The following PRR16 variants were observed in gnomAD, a reference collection of about 807,000 sequenced individuals.
PRR16 encodes protein Largen.
In PRR16, 6 loss-of-function variants were observed where a neutral mutation model predicts 18.2. The observed-to-expected ratio is 0.33, with a 90% CI of 0.18 to 0.65. PRR16 has a LOEUF of 0.65. Among genes scored for constraint, PRR16 ranks in the 30% least tolerant of loss-of-function variants. The pLI is 0.74. For missense variants in PRR16, 412 were observed against 376.6 expected (o/e 1.09, Z -0.78); for synonymous variants, 151 against 147.8 (o/e 1.02, Z -0.16).
chr5:120,669,291 T>A (rs1346631744), intron 1 of PRR16, among the ~76,000 whole-genome samples: 1 of 152,066 alleles, frequency 6.6e-6, no homozygotes, highest in African/African-American at 2.4e-5. Flanking sequence ...AAAAGGGCAA[T>A]ATGAGGCCCT....
chr5:120,791,692 A>G, the PRR16 span, among the ~76,000 whole-genome samples: 1 of 151,886 alleles, frequency 6.6e-6, no homozygotes, highest in Admixed American at 6.6e-5. Context: ...GTAGGTAATC[A>G]TACTGGAGCA....
intron 1 of PRR16, among the ~76,000 whole-genome samples, chr5:120,510,766 AAAT>A (rs1750801068): frequency 6.6e-6 from 1 of 152,208 alleles, no homozygotes; most frequent in African/African-American, 2.4e-5. Context: ...CAGAGTCAAT[AAAT>A]ACAGTGTTAT....
intron 1 of PRR16, among the ~76,000 whole-genome samples, chr5:120,634,542 C>G (rs1194357920): frequency 1.3e-5 from 2 of 152,102 alleles, no homozygotes; most frequent in Non-Finnish European, 2.9e-5. Flanking sequence ...ACTCAGGAGG[C>G]TGAGGCAGGA....
intron 1 of PRR16, among the ~76,000 whole-genome samples, chr5:120,600,955 T>G (rs1753962329): frequency 6.6e-6 from 1 of 152,202 alleles, no homozygotes; most frequent in Non-Finnish European, 1.5e-5. Context: ...TACCACATTT[T>G]CTTTATCCGG....
the PRR16 span, among the ~76,000 whole-genome samples, chr5:120,774,371 AT>A: frequency 6.6e-6 from 1 of 152,156 alleles, no homozygotes; most frequent in Non-Finnish European, 1.5e-5. Context: ...AAATTTTCTC[AT>A]GAATTTTTTT....
downstream of PRR16, among the ~76,000 whole-genome samples, chr5:120,689,846 G>T (rs1410014425): frequency 6.6e-6 from 1 of 151,440 alleles, no homozygotes; most frequent in Non-Finnish European, 1.5e-5. Flanking sequence ...AATAAAAATT[G>T]CCCAAAGTTA....
At chr5:120,477,576 A>C (rs1749482704) in intron 1 of PRR16, among the ~76,000 whole-genome samples, 1 of 152,160 alleles carries the variant, frequency 6.6e-6, no homozygotes, top group Admixed American at 6.6e-5. Context: ...TAGCCTCCTG[A>C]CTATTCTCCT....
intron 1 of PRR16, among the ~76,000 whole-genome samples, chr5:120,610,560 A>G (rs1754300964): frequency 6.6e-6 from 1 of 151,598 alleles, no homozygotes; most frequent in Non-Finnish European, 1.5e-5. Flanking sequence ...TTCCCATGCT[A>G]CTCTCACGAT....
At chr5:120,479,043 G>A (rs1749528202) in intron 1 of PRR16, among the ~76,000 whole-genome samples, 1 of 151,688 alleles carries the variant, frequency 6.6e-6, no homozygotes, top group African/African-American at 2.4e-5. Flanking sequence ...ATATCACTCT[G>A]GCTTCTTTTT....
At chr5:120,486,652 T>G (rs1188554886) in intron 1 of PRR16, among the ~76,000 whole-genome samples, 1 of 152,214 alleles carries the variant, frequency 6.6e-6, no homozygotes, top group East Asian at 1.9e-4. Context: ...TTAGTTTAAT[T>G]AGATCCCATT....
the PRR16 span, among the ~76,000 whole-genome samples, chr5:120,711,430 A>G: frequency 6.6e-6 from 1 of 152,186 alleles, no homozygotes; most frequent in Non-Finnish European, 1.5e-5. Context: ...AAAGGAATGA[A>G]AACAATATGA....
At chr5:120,640,241 A>G (rs1317541122) in intron 1 of PRR16, among the ~76,000 whole-genome samples, 1 of 152,090 alleles carries the variant, frequency 6.6e-6, no homozygotes, top group Non-Finnish European at 1.5e-5. Flanking sequence ...CTCGTACCTC[A>G]GCAACACACA....
the PRR16 span, among the ~76,000 whole-genome samples, chr5:120,768,833 C>CA: frequency 6.6e-5 from 10 of 151,690 alleles, no homozygotes; most frequent in Admixed American, 6.6e-4. Flanking sequence ...CCCGCTTAGA[C>CA]ATTGCCTACA....
At chr5:120,773,638 G>GTTT in the PRR16 span, among the ~76,000 whole-genome samples, 9 of 151,638 alleles carry the variant, frequency 5.9e-5, no homozygotes, top group African/African-American at 1.7e-4. Context: ...TTCTATTTTT[G>GTTT]TTTTTTTTGA....
At chr5:120,532,739 T>A (rs1308753638) in intron 1 of PRR16, among the ~76,000 whole-genome samples, 1 of 152,102 alleles carries the variant, frequency 6.6e-6, no homozygotes, top group Non-Finnish European at 1.5e-5. Flanking sequence ...ATTGGAAATT[T>A]TTTTTTTAAG....
chr5:120,691,452 C>A (rs937885995), downstream of PRR16, among the ~76,000 whole-genome samples: 27 of 152,030 alleles, frequency 1.8e-4, no homozygotes, highest in African/African-American at 6.5e-4. Flanking sequence ...AGTGGCTTCA[C>A]CTTTTAGTTT....
At chr5:120,672,644 G>C (rs531029759) in intron 1 of PRR16, among the ~76,000 whole-genome samples, 2 of 151,868 alleles carry the variant, frequency 1.3e-5, no homozygotes, top group Admixed American at 1.3e-4. Flanking sequence ...GAGTGGATTG[G>C]ATACAGCATA....
chr5:120,605,760 C>G (rs1754133241), intron 1 of PRR16, among the ~76,000 whole-genome samples: 1 of 152,138 alleles, frequency 6.6e-6, no homozygotes, highest in Admixed American at 6.5e-5. Context: ...TGCTTCATTT[C>G]TGTATGCTTT....
At chr5:120,687,871 CA>C (rs1180393229), downstream of PRR16, among the ~76,000 whole-genome samples, 1 of 152,144 alleles carries the variant, frequency 6.6e-6, no homozygotes, top group Non-Finnish European at 1.5e-5. Context: ...ACCCATGGTC[CA>C]AATTTAACTT....
Sources: gnomAD v4.1 joint callset for allele counts (sites outside exome capture counted in the v4.1 genomes callset) on GRCh38, gnomAD v4.1.1 for gene constraint, MANE v1.5 for transcripts, NCBI Gene and HGNC (gene_info 2026-07-23, HGNC 2026-07-21) for gene names.